Variants in XYLT1 observed in about 807,000 individuals in gnomAD.
XYLT1 encodes beta-D-xylosyltransferase 1.
XYLT1 carries 36 observed loss-of-function variants against 91.3 expected under a neutral mutation model. The observed-to-expected ratio is 0.39, with a 90% CI of 0.30 to 0.52. The LOEUF (loss-of-function observed/expected upper bound fraction) is 0.52. Ranked by LOEUF, XYLT1 falls within the 20% of genes least tolerant of loss-of-function variation. The pLI, the probability that XYLT1 is intolerant of heterozygous loss-of-function variation, is 0.68. For missense variants in XYLT1, 1,242 were observed against 1,284.5 expected (o/e 0.97, Z 0.51); for synonymous variants, 588 against 532.0 (o/e 1.11, Z -1.45).
chr16:17,191,767 C>T (rs1271929682), intron 5 of XYLT1, among the ~76,000 whole-genome samples: 5 of 152,356 alleles, frequency 3.3e-5, no homozygotes, highest in Admixed American at 1.3e-4. Flanking sequence ...GCCTGCGGCT[C>T]TGGTAGTATC....
chr16:17,360,663 C>T (rs1000499117), intron 1 of XYLT1, among the ~76,000 whole-genome samples: 62 of 152,338 alleles, frequency 4.1e-4, no homozygotes, highest in African/African-American at 1.4e-3. Context: ...CCAGAGGATT[C>T]AAGGTATGAC....
intron 2 of XYLT1, among the ~76,000 whole-genome samples, chr16:17,268,029 G>T (rs1395871302): frequency 6.6e-6 from 1 of 152,164 alleles, no homozygotes; most frequent in Non-Finnish European, 1.5e-5. Flanking sequence ...GGTCCCTGAG[G>T]CCTTCTCAGG....
In XYLT1 at chr16:17,105,649, A is replaced by C. The variant is rs997949909; in HGVS notation, c.*3046T>G. 6.6e-6 allele frequency: 1 copy of C among 152,104 alleles called. No homozygotes were observed. Among genetic ancestry groups the C allele is most frequent in the African/African-American group, 2.4e-5 (1 of 41,420 alleles). 9.4% of individuals were successfully genotyped at this position (152,104 alleles called of 1,614,324 possible). ...CAGCCTAAAGAATGCTTCCTTCTCC[A>C]CAAACCAATACCCCAAGGCCCACCT... On this transcript the variant is annotated 3_prime_UTR_variant, in exon 12 of 12. Coordinates refer to ENST00000261381, the MANE Select transcript of XYLT1 (RefSeq NM_022166.4).
intron 2 of XYLT1, among the ~76,000 whole-genome samples, chr16:17,284,074 C>T (rs960012683): frequency 4.6e-5 from 7 of 152,186 alleles, no homozygotes; most frequent in South Asian, 2.1e-4. Flanking sequence ...TTAAAATCCA[C>T]GTGACCTTGG....
At chr16:17,431,370 C>T in intron 1 of XYLT1, among the ~76,000 whole-genome samples, 1 of 152,102 alleles carries the variant, frequency 6.6e-6, no homozygotes, top group Admixed American at 6.6e-5. Flanking sequence ...TTCTGCATTC[C>T]TAACAAGTCC....
chr16:17,372,917 A>G (rs146087516), intron 1 of XYLT1, among the ~76,000 whole-genome samples: 1 of 152,216 alleles, frequency 6.6e-6, no homozygotes, highest in African/African-American at 2.4e-5. Flanking sequence ...TCAAATACGT[A>G]TTTCTTTTAA....
At position 17,470,653 on chromosome 16, in the gene XYLT1, G is replaced by GC; in HGVS notation, c.143dup (p.Ala49ArgfsTer113). ...GCTGCTCCCCGCCGCCGACCGCTGC[G>GC]CCCCCGCGGCGCTCCCCGGCCCCGG... On this transcript the variant is annotated frameshift_variant, in exon 1 of 12. Coordinates refer to ENST00000261381, the MANE Select transcript of XYLT1 (RefSeq NM_022166.4). LOFTEE classifies it high-confidence loss of function. 2.7e-6 allele frequency: 3 copies of GC among 1,117,770 alleles called. No homozygotes were observed. Among genetic ancestry groups the GC allele is most frequent in the Non-Finnish European group, 3.3e-6 (3 of 902,690 alleles). The allele number at this position is 1,117,770 out of a possible 1,614,324, so 69.2% of individuals were successfully genotyped here. A position where few individuals can be genotyped will look rare whatever the true frequency, so the allele number is the denominator to read the frequency against.
intron 1 of XYLT1, among the ~76,000 whole-genome samples, chr16:17,413,504 G>A (rs1438735366): frequency 2.7e-5 from 4 of 150,526 alleles, no homozygotes; most frequent in Non-Finnish European, 5.9e-5. Flanking sequence ...AGTGGTGCGT[G>A]GTGCAATCTC....
chr16:17,168,195 T>C (rs566816310), intron 5 of XYLT1, among the ~76,000 whole-genome samples: 9 of 152,292 alleles, frequency 5.9e-5, no homozygotes, highest in African/African-American at 2.2e-4. Flanking sequence ...TCGATATAGG[T>C]GCCCGTTAAT....
At chr16:17,242,099 C>T (rs1306297918) in intron 3 of XYLT1, among the ~76,000 whole-genome samples, 2 of 152,192 alleles carry the variant, frequency 1.3e-5, no homozygotes, top group African/African-American at 4.8e-5. Flanking sequence ...CCCCGTGATT[C>T]AATTACCTCC....
chr16:17,120,505 C>T (rs973897993), intron 10 of XYLT1, among the ~76,000 whole-genome samples: 6 of 152,110 alleles, frequency 3.9e-5, no homozygotes, highest in South Asian at 2.1e-4. Flanking sequence ...TTCTCTGGAC[C>T]GGTCTACCTT....
chr16:17,115,838 C>T (rs1215873060), intron 11 of XYLT1, among the ~76,000 whole-genome samples: 1 of 138,594 alleles, frequency 7.2e-6, no homozygotes, highest in Non-Finnish European at 1.5e-5. Flanking sequence ...CTTTTCCTTG[C>T]ACTATTATCA....
chr16:17,327,733 G>A lies in XYLT1; in HGVS notation c.402+30279C>T, dbSNP rs574655257. Reference sequence around the variant, plus strand: ...CAATCAGCTTCTATTTTATAACTACGTCTTGGAATAGGCCATTATGCTTGG... The same window carrying A: ...CAATCAGCTTCTATTTTATAACTACATCTTGGAATAGGCCATTATGCTTGG... On this transcript the variant is annotated intron_variant, in intron 2 of 11. Coordinates refer to ENST00000261381, the MANE Select transcript of XYLT1 (RefSeq NM_022166.4). Among the ~76,000 whole-genome samples the A allele has an allele frequency of 4.4e-4, 67 of 151,376 alleles. 1 individual carries two copies. Among genetic ancestry groups the A allele is most frequent in the Non-Finnish European group, 2.5e-4 (17 of 67,922 alleles).
chr16:17,412,020 GA>G (rs1376433977), intron 1 of XYLT1, among the ~76,000 whole-genome samples: 1 of 152,146 alleles, frequency 6.6e-6, no homozygotes, highest in Non-Finnish European at 1.5e-5. Flanking sequence ...GGTGGGGCAA[GA>G]GGGGGCATAA....
intron 1 of XYLT1, among the ~76,000 whole-genome samples, chr16:17,437,736 G>A (rs1254755919): frequency 6.6e-6 from 1 of 152,120 alleles, no homozygotes; most frequent in Admixed American, 6.5e-5. Flanking sequence ...AATTGTTCTG[G>A]GAGGCAGGAG....
chr16:17,278,724 T>C (rs2034014579), intron 2 of XYLT1, among the ~76,000 whole-genome samples: 1 of 152,178 alleles, frequency 6.6e-6, no homozygotes, highest in Admixed American at 6.5e-5. Flanking sequence ...GGTGGAGATA[T>C]TATCCGATGA....
At chr16:17,377,709 T>A (rs2035621416) in intron 1 of XYLT1, among the ~76,000 whole-genome samples, 1 of 152,072 alleles carries the variant, frequency 6.6e-6, no homozygotes, top group Admixed American at 6.5e-5. Context: ...AACCCAGACA[T>A]GACTTATTTT....
At chr16:17,131,592 T>TGACA (rs1314521822) in intron 9 of XYLT1, among the ~76,000 whole-genome samples, 1 of 152,212 alleles carries the variant, frequency 6.6e-6, no homozygotes, top group Non-Finnish European at 1.5e-5. Flanking sequence ...AATAAAATGC[T>TGACA]GACATCCTTA....
chr16:17,105,978 G>T lies in XYLT1; in HGVS notation c.*2717C>A, dbSNP rs1966768571. 1 of 151,954 alleles carries T rather than the reference G, an allele frequency of 6.6e-6. No homozygotes were observed. Among genetic ancestry groups the T allele is most frequent in the African/African-American group, 2.4e-5 (1 of 41,322 alleles). 9.4% of individuals were successfully genotyped at this position (151,954 alleles called of 1,614,324 possible). A position where few individuals can be genotyped will look rare whatever the true frequency, so the allele number is the denominator to read the frequency against. On this transcript the variant is annotated 3_prime_UTR_variant, in exon 12 of 12. Transcript: ENST00000261381. Reference sequence around the variant, plus strand: ...GTAATATCTGCAACCTTATTCTCTGGTCTATTAATTAATAACATCAGAGAA... The same window carrying T: ...GTAATATCTGCAACCTTATTCTCTGTTCTATTAATTAATAACATCAGAGAA...
Sources: allele counts gnomAD v4.1 joint callset (sites outside exome capture counted in the v4.1 genomes callset), GRCh38; gene constraint gnomAD v4.1.1; transcripts MANE v1.5; gene names NCBI Gene and HGNC (gene_info 2026-07-23, HGNC 2026-07-21).